Variants in ATXN7L1 observed in about 807,000 individuals in gnomAD.
ATXN7L1 encodes the protein ataxin-7-like protein 1.
ATXN7L1 carries 15 observed loss-of-function variants against 70.8 expected under a neutral mutation model. That is an observed-to-expected ratio of 0.21 (90% confidence interval 0.14 to 0.33). The LOEUF (loss-of-function observed/expected upper bound fraction) is 0.33. ATXN7L1 is among the 10% of genes least tolerant of loss of function. The pLI, the probability that ATXN7L1 is intolerant of heterozygous loss-of-function variation, is 1.00. For missense variants in ATXN7L1, 975 were observed against 1,097.1 expected (o/e 0.89, Z 1.57); for synonymous variants, 440 against 445.1 (o/e 0.99, Z 0.14).
At chr7:105,866,482 T>C (rs911231024) in intron 2 of ATXN7L1, among the ~76,000 whole-genome samples, 9 of 152,164 alleles carry the variant, frequency 5.9e-5, no homozygotes, top group African/African-American at 2.2e-4. Flanking sequence ...TATAGACGAC[T>C]AGGGCAGCCA....
At chr7:105,654,561 G>A (rs1800324154) in intron 4 of ATXN7L1, among the ~76,000 whole-genome samples, 1 of 152,222 alleles carries the variant, frequency 6.6e-6, no homozygotes, top group Admixed American at 6.5e-5. Flanking sequence ...GTCCCACTGT[G>A]TATGTAATCT....
At chr7:105,809,414 A>C (rs1297690927) in intron 2 of ATXN7L1, among the ~76,000 whole-genome samples, 2 of 152,034 alleles carry the variant, frequency 1.3e-5, no homozygotes, top group Non-Finnish European at 2.9e-5. Flanking sequence ...CTGAGCAGCA[A>C]CCTCACTTCC....
chr7:105,787,410 T>C (rs982859170), intron 3 of ATXN7L1, among the ~76,000 whole-genome samples: 1 of 152,224 alleles, frequency 6.6e-6, no homozygotes, highest in African/African-American at 2.4e-5. Context: ...TTGAAAGTCC[T>C]GGACTCACTC....
chr7:105,760,647 A>C, intron 3 of ATXN7L1: 1 of 772,688 alleles, frequency 1.3e-6, no homozygotes, highest in Non-Finnish European at 1.6e-6. Context: ...GACATTAAAC[A>C]TTTCTGTTCA....
At chr7:105,660,817 G>A (rs537135951) in intron 4 of ATXN7L1, among the ~76,000 whole-genome samples, 19 of 152,142 alleles carry the variant, frequency 1.2e-4, no homozygotes, top group East Asian at 1.2e-3. Flanking sequence ...TCCTGACCTC[G>A]TGATCCACCT....
intron 2 of ATXN7L1, among the ~76,000 whole-genome samples, chr7:105,872,603 T>C (rs1258519449): frequency 6.6e-6 from 1 of 152,166 alleles, no homozygotes; most frequent in East Asian, 1.9e-4. Context: ...TTATATGAGG[T>C]ATCAGAATAG....
intron 3 of ATXN7L1, among the ~76,000 whole-genome samples, chr7:105,737,412 C>T (rs1163502465): frequency 2.0e-5 from 3 of 152,192 alleles, no homozygotes; most frequent in African/African-American, 2.4e-5. Flanking sequence ...GACAATTCCA[C>T]GAAGTAGATA....
intron 3 of ATXN7L1, among the ~76,000 whole-genome samples, chr7:105,680,766 G>A (rs1008672456): frequency 1.3e-5 from 2 of 152,202 alleles, no homozygotes; most frequent in East Asian, 3.9e-4. Context: ...CAGATGAAAG[G>A]GCAGGCCCGA....
At chr7:105,849,622 C>G (rs1029984617) in intron 2 of ATXN7L1, among the ~76,000 whole-genome samples, 2 of 152,190 alleles carry the variant, frequency 1.3e-5, no homozygotes, top group South Asian at 4.1e-4. Flanking sequence ...CTCTTCTCCT[C>G]CTGAAAGTGC....
At chr7:105,620,409 A>G in intron 8 of ATXN7L1, 88 bp from the exon 9 acceptor site, 1 of 1,330,756 alleles carries the variant, frequency 7.5e-7, no homozygotes, top group East Asian at 2.6e-5. Flanking sequence ...ACATAAAAAC[A>G]TACAAGGGCA....
chr7:105,854,326 A>G (rs1815366892), intron 2 of ATXN7L1, among the ~76,000 whole-genome samples: 1 of 152,162 alleles, frequency 6.6e-6, no homozygotes, highest in Non-Finnish European at 1.5e-5. Context: ...GGCCAGAAAC[A>G]GGAAGTGGGC....
intron 7 of ATXN7L1, among the ~76,000 whole-genome samples, chr7:105,629,637 TCCTGC>T (rs1796284112): frequency 6.6e-6 from 1 of 151,400 alleles, no homozygotes; most frequent in Non-Finnish European, 1.5e-5. Flanking sequence ...TGCCTCAGCC[TCCTGC>T]GTAGCTGGGA....
chr7:105,705,173 G>A (rs996370824), intron 3 of ATXN7L1, among the ~76,000 whole-genome samples: 9 of 151,726 alleles, frequency 5.9e-5, no homozygotes, highest in African/African-American at 9.7e-5. Context: ...TTACAGGTGC[G>A]TGCCTCCACG....
chr7:105,740,359 G>A (rs1431270267), intron 3 of ATXN7L1, among the ~76,000 whole-genome samples: 3 of 152,230 alleles, frequency 2.0e-5, no homozygotes, highest in Non-Finnish European at 4.4e-5. Flanking sequence ...TCCAGGCTGA[G>A]GAGTTTAGTG....
intron 2 of ATXN7L1, among the ~76,000 whole-genome samples, chr7:105,825,359 A>G (rs1488832789): frequency 6.6e-6 from 1 of 152,152 alleles, no homozygotes; most frequent in Non-Finnish European, 1.5e-5. Context: ...GACCAGCAGC[A>G]CAGTAGGCTG....
chr7:105,788,456 C>T (rs1022751138), intron 3 of ATXN7L1, 148 bp downstream of exon 3: 8 of 642,458 alleles, frequency 1.2e-5, no homozygotes, highest in African/African-American at 3.7e-5. Flanking sequence ...AAACAGCCTG[C>T]GAGCAGAGGC....
At chr7:105,623,914 A>T (rs901353190) in intron 8 of ATXN7L1, among the ~76,000 whole-genome samples, 161 bp downstream of exon 8, 1 of 152,230 alleles carries the variant, frequency 6.6e-6, no homozygotes, top group South Asian at 2.1e-4. Context: ...GTAATGTTCA[A>T]GGGTATTTCT....
At chr7:105,705,330 A>AT (rs11392960) in intron 3 of ATXN7L1, among the ~76,000 whole-genome samples, 28,440 of 151,984 alleles carry the variant, frequency 0.19, 3,310 homozygotes, top group African/African-American at 0.32. Context: ...CCGGCCGAGT[A>AT]TTTTTTATTA....
intron 3 of ATXN7L1, among the ~76,000 whole-genome samples, chr7:105,767,303 T>C (rs1339222190): frequency 6.6e-6 from 1 of 151,284 alleles, no homozygotes; most frequent in Non-Finnish European, 1.5e-5. Flanking sequence ...TTCAAGAGGG[T>C]CCACCTGAGC....
Sources: gnomAD v4.1 joint callset for allele counts (sites outside exome capture counted in the v4.1 genomes callset) on GRCh38, gnomAD v4.1.1 for gene constraint, MANE v1.5 for transcripts, NCBI Gene and HGNC (gene_info 2026-07-23, HGNC 2026-07-21) for gene names.